SMAP1: variants seen among roughly 807,000 people sequenced by gnomAD.
The protein encoded by SMAP1 is stromal membrane-associated protein 1.
Under a neutral mutation model 58.5 loss-of-function variants are expected in SMAP1, and 24 were observed. The ratio of observed to expected loss-of-function variants is 0.41; its 90% CI spans 0.30 to 0.58. The LOEUF (loss-of-function observed/expected upper bound fraction) is 0.58, where lower values mean the gene tolerates loss of function less well. SMAP1 is among the 20% of genes least tolerant of loss of function. SMAP1 has a pLI of 0.29. For synonymous variants in SMAP1, 216 were observed against 196.6 expected (o/e 1.10, Z -0.82); for missense variants, 563 against 566.3 (o/e 0.99, Z 0.06).
intron 1 of SMAP1, among the ~76,000 whole-genome samples, chr6:70,684,988 T>C (rs973012861): frequency 6.6e-6 from 1 of 152,218 alleles, no homozygotes; most frequent in Non-Finnish European, 1.5e-5. Context: ...ATTTAAACTT[T>C]ATGAGCTCCA....
chr6:70,680,715 T>TG (rs1387929803), intron 1 of SMAP1, among the ~76,000 whole-genome samples: 5 of 123,874 alleles, frequency 4.0e-5, no homozygotes, highest in Non-Finnish European at 8.0e-5. Flanking sequence ...ATTTCCTGTT[T>TG]TTTTTTTTTT....
chr6:70,705,420 T>G (rs1767800676), intron 1 of SMAP1, among the ~76,000 whole-genome samples: 1 of 151,860 alleles, frequency 6.6e-6, no homozygotes, highest in African/African-American at 2.4e-5. Context: ...CCTGGCTAAT[T>G]TTTTGTATTT....
chr6:70,807,324 A>G (rs1217099213), intron 6 of SMAP1, among the ~76,000 whole-genome samples: 1 of 152,234 alleles, frequency 6.6e-6, no homozygotes, highest in Non-Finnish European at 1.5e-5. Context: ...GAGAAAGGTA[A>G]AACCTAAAAA....
rs1252184048 is a variant in SMAP1, at chr6:70,681,671, T to C, written c.118+13530T>C. On this transcript the variant is annotated intron_variant, in intron 1 of 10. Coordinates refer to ENST00000370455, the MANE Select transcript of SMAP1 (RefSeq NM_001044305.3). Reference sequence around the variant, plus strand: ...AAACCTTTGGTGCCTTTTGTATGTGTGTGTGTTTTTTATTTGTGTGTGCCA... The same window carrying C: ...AAACCTTTGGTGCCTTTTGTATGTGCGTGTGTTTTTTATTTGTGTGTGCCA... Among the ~76,000 whole-genome samples the C allele has an allele frequency of 4.6e-5, 7 of 152,176 alleles. No individual in the cohort carries two copies. The East Asian group carries it at 1.3e-3, about 29-fold the overall frequency.
chr6:70,798,623 A>C (rs1768709649), intron 5 of SMAP1, 34 bp from the exon 6 acceptor site: 8 of 1,483,358 alleles, frequency 5.4e-6, no homozygotes, highest in Non-Finnish European at 7.2e-6. Flanking sequence ...TTTTTAAAAA[A>C]GTAAACTTAT....
chr6:70,775,670 C>T (rs1008574901), intron 4 of SMAP1, among the ~76,000 whole-genome samples: 2 of 151,982 alleles, frequency 1.3e-5, no homozygotes, highest in African/African-American at 4.8e-5. Flanking sequence ...CAGTTCCTTC[C>T]TTTTTTTATG....
chr6:70,779,958 G>C (rs1424562249), intron 4 of SMAP1, among the ~76,000 whole-genome samples: 1 of 152,152 alleles, frequency 6.6e-6, no homozygotes, highest in Non-Finnish European at 1.5e-5. Flanking sequence ...TTGAGTAGTA[G>C]GTGACAATTA....
intron 6 of SMAP1, among the ~76,000 whole-genome samples, chr6:70,818,991 C>G (rs1769766378): frequency 6.6e-6 from 1 of 152,124 alleles, no homozygotes; most frequent in Admixed American, 6.6e-5. Context: ...TCATCACCCC[C>G]AAAAGAAACC....
intron 4 of SMAP1, among the ~76,000 whole-genome samples, chr6:70,790,171 C>T (rs916259985): frequency 2.0e-5 from 3 of 152,082 alleles, no homozygotes; most frequent in East Asian, 1.9e-4. Context: ...GACGGAGTCT[C>T]GCTCTGTCTC....
intron 2 of SMAP1, among the ~76,000 whole-genome samples, chr6:70,744,173 C>CTTT (rs11376216): frequency 6.9e-6 from 1 of 145,038 alleles, no homozygotes. Context: ...ACTCCTAATT[C>CTTT]TTTTTTTTTT....
chr6:70,703,705 A>G (rs966725075), intron 1 of SMAP1, among the ~76,000 whole-genome samples: 1 of 152,168 alleles, frequency 6.6e-6, no homozygotes, highest in East Asian at 1.9e-4. Flanking sequence ...TCAGTACTCA[A>G]TTAAATATTC....
intron 6 of SMAP1, among the ~76,000 whole-genome samples, chr6:70,829,579 C>T (rs911300986): frequency 5.3e-5 from 8 of 152,146 alleles, no homozygotes; most frequent in African/African-American, 9.7e-5. Flanking sequence ...ACCTTTGCCA[C>T]GATAGCCACT....
chr6:70,720,374 G>A (rs550088992), intron 1 of SMAP1, among the ~76,000 whole-genome samples: 5 of 152,262 alleles, frequency 3.3e-5, no homozygotes, highest in African/African-American at 4.8e-5. Flanking sequence ...CCTCCTTCCC[G>A]GCTGCTTTCA....
intron 6 of SMAP1, among the ~76,000 whole-genome samples, chr6:70,820,911 TA>T (rs1422806395): frequency 6.6e-6 from 1 of 152,170 alleles, no homozygotes. Flanking sequence ...CTATCATACG[TA>T]AATAAACTAA....
chr6:70,682,864 C>G (rs1447521667), intron 1 of SMAP1, among the ~76,000 whole-genome samples: 1 of 152,042 alleles, frequency 6.6e-6, no homozygotes, highest in Non-Finnish European at 1.5e-5. Flanking sequence ...GTGGCGAAAC[C>G]CTGTCTCTAC....
chr6:70,854,238 C>G (rs1358397693), intron 8 of SMAP1, among the ~76,000 whole-genome samples: 2 of 152,170 alleles, frequency 1.3e-5, no homozygotes, highest in Non-Finnish European at 2.9e-5. Context: ...ATGTTGAGCA[C>G]TGGTTAGACT....
intron 3 of SMAP1, among the ~76,000 whole-genome samples, chr6:70,759,359 C>T (rs1766651949): frequency 6.6e-6 from 1 of 151,942 alleles, no homozygotes; most frequent in Admixed American, 6.6e-5. Context: ...GTGTCTGTGG[C>T]AGGGTGGGGA....
At chr6:70,734,248 C>A (rs920768915) in intron 2 of SMAP1, among the ~76,000 whole-genome samples, 2 of 151,868 alleles carry the variant, frequency 1.3e-5, no homozygotes, top group African/African-American at 4.8e-5. Context: ...TGGGTTCAAG[C>A]GATTCTCCTG....
chr6:70,753,812 C>G (rs1014632567), intron 2 of SMAP1, among the ~76,000 whole-genome samples: 2 of 151,978 alleles, frequency 1.3e-5, no homozygotes, highest in Non-Finnish European at 2.9e-5. Context: ...CTCCGCCCCC[C>G]GCCCATTACT....
Sources: gnomAD v4.1 joint callset for allele counts (sites outside exome capture counted in the v4.1 genomes callset) on GRCh38, gnomAD v4.1.1 for gene constraint, MANE v1.5 for transcripts, NCBI Gene and HGNC (gene_info 2026-07-23, HGNC 2026-07-21) for gene names.